Variants in UNC80 observed in about 807,000 individuals in gnomAD.
UNC80 encodes unc-80 subunit of NALCN channel complex, also known as protein unc-80 homolog.
A neutral mutation model predicts 384.6 loss-of-function variants in UNC80; 164 were observed. The observed-to-expected ratio is 0.43, with a 90% CI of 0.38 to 0.49. The LOEUF is 0.49. Among genes scored for constraint, UNC80 ranks in the 20% least tolerant of loss-of-function variants. The pLI is 0.00. For missense variants in UNC80, 3,330 were observed against 4,143.0 expected, an observed-to-expected ratio of 0.80 and a Z score of 5.39; for synonymous variants, 1,486 against 1,527.8, an observed-to-expected ratio of 0.97 and a Z score of 0.64.
At chr2:209,898,839 G>T (rs1364470321) in intron 28 of UNC80, among the ~76,000 whole-genome samples, 1 of 151,946 alleles carries the variant, frequency 6.6e-6, no homozygotes. Context: ...TTGATTTTTA[G>T]ATCATCCCAC....
At chr2:209,951,089 C>A (rs2092157252) in intron 47 of UNC80, among the ~76,000 whole-genome samples, 1 of 151,884 alleles carries the variant, frequency 6.6e-6, no homozygotes, top group African/African-American at 2.4e-5. Context: ...GGGAGGATTG[C>A]TTGAGCCCAA....
chr2:209,841,125 G>A (rs1299448168), intron 20 of UNC80, among the ~76,000 whole-genome samples: 1 of 152,132 alleles, frequency 6.6e-6, no homozygotes, highest in Non-Finnish European at 1.5e-5. Context: ...CTCCTCCTTC[G>A]TAATACTGTG....
In UNC80 at chr2:209,982,159, T is replaced by C. The variant is rs1452916846; in HGVS notation, c.9119-20T>C. ...CAGTGTCATAGTTTTTGTAACACTC[T>C]ATTCCTTTGCCCCTTTTAGATGACT... is the stretch of plus-strand genomic sequence containing the variant. On this transcript the variant is annotated intron_variant, in intron 59 of 64. Coordinates refer to ENST00000673920, the MANE Select transcript of UNC80 (RefSeq NM_001371986.1). The C allele has an allele frequency of 6.5e-7, 1 of 1,549,042 alleles. No individual in the cohort carries two copies. Among genetic ancestry groups the C allele is most frequent in the Non-Finnish European group, 8.7e-7 (1 of 1,145,588 alleles).
chr2:209,995,402 CACTCTCTGCCCA>C lies in UNC80; in HGVS notation c.9791_9802del (p.Ala3264_Ser3267del). 1 of 1,551,972 alleles carries C rather than the reference CACTCTCTGCCCA, an allele frequency of 6.4e-7. No homozygotes were observed. Among genetic ancestry groups the C allele is most frequent in the East Asian group, 2.4e-5 (1 of 40,922 alleles). ...GCACAAGGTGCTACTGCACACAGTC[CACTCTCTGCCCA>C]ACTCTCTGACCCTGATGACTTCACA... On this transcript the variant is annotated inframe_deletion, in exon 65 of 65. Coordinates refer to ENST00000673920, the MANE Select transcript of UNC80 (RefSeq NM_001371986.1).
chr2:209,971,278 A>G (rs989670868), intron 54 of UNC80, among the ~76,000 whole-genome samples: 9 of 152,202 alleles, frequency 5.9e-5, no homozygotes, highest in African/African-American at 2.2e-4. Flanking sequence ...AGGCAGTAAT[A>G]TTCACAATCT....
intron 59 of UNC80, among the ~76,000 whole-genome samples, chr2:209,978,952 T>C (rs1421188284): frequency 6.6e-6 from 1 of 152,202 alleles, no homozygotes; most frequent in Non-Finnish European, 1.5e-5. Flanking sequence ...TTTGAATACA[T>C]TAATTTCTGC....
intron 5 of UNC80, among the ~76,000 whole-genome samples, chr2:209,786,992 T>C (rs1222068568): frequency 1.1e-4 from 2 of 17,510 alleles, no homozygotes; most frequent in Admixed American, 8.0e-4. Flanking sequence ...TATATATATA[T>C]ATATATATAT....
At chr2:209,779,987 T>G (rs962477885) in intron 4 of UNC80, among the ~76,000 whole-genome samples, 4 of 152,234 alleles carry the variant, frequency 2.6e-5, no homozygotes, top group Non-Finnish European at 4.4e-5. Flanking sequence ...GCCTCCATTT[T>G]CTCAAGTATA....
At chr2:209,902,127 C>G (rs924690659) in intron 28 of UNC80, among the ~76,000 whole-genome samples, 1 of 151,938 alleles carries the variant, frequency 6.6e-6, no homozygotes, top group Admixed American at 6.6e-5. Flanking sequence ...TAGTTGATGC[C>G]AACCCTAATG....
At chr2:209,844,476 TTTCC>T (rs1163831109) in intron 21 of UNC80, among the ~76,000 whole-genome samples, 1,016 of 69,072 alleles carry the variant, frequency 0.015, 19 homozygotes, top group African/African-American at 0.032. Context: ...TCTTTCTTTC[TTTCC>T]TTCCTTCCTT....
chr2:209,975,108 G>A (rs2092979973), intron 56 of UNC80, among the ~76,000 whole-genome samples: 1 of 152,174 alleles, frequency 6.6e-6, no homozygotes. Context: ...TGACTCTTGA[G>A]GATTTTAGAG....
In UNC80 at chr2:209,784,230, A is replaced by G. The variant is rs184220694; in HGVS notation, c.601-1836A>G. ...ACCCCCATCTAATCATCTTTCACCTATATAACAATAGCTTCCAAAATAGTC... is the reference window on the plus strand; with the variant it reads ...ACCCCCATCTAATCATCTTTCACCTGTATAACAATAGCTTCCAAAATAGTC... On this transcript the variant is annotated intron_variant, in intron 4 of 64. Transcript: ENST00000673920. 4.6e-5 allele frequency among the ~76,000 whole-genome samples: 7 copies of G among 152,212 alleles called. No homozygotes were observed. In the East Asian group the frequency reaches 7.7e-4, roughly 17 times the overall value.
chr2:209,937,077 G>A (rs2091299369), intron 41 of UNC80, 144 bp downstream of exon 41: 4 of 612,642 alleles, frequency 6.5e-6, no homozygotes, highest in South Asian at 2.1e-5. Context: ...CTATCAATGG[G>A]GCTTTTGACT....
At chr2:209,791,386 C>T (rs577619912) in intron 6 of UNC80, among the ~76,000 whole-genome samples, 16 of 152,116 alleles carry the variant, frequency 1.1e-4, no homozygotes, top group Admixed American at 2.6e-4. Flanking sequence ...TTTTGTGCCT[C>T]CCACCACTTG....
rs1445425259 is a variant in UNC80, at chr2:209,904,809, C to A, written c.4626C>A (p.His1542Gln). The change falls in exon 29 of 65, where the codon CAC (histidine) becomes CAA (glutamine). Residue 1542 changes from histidine to glutamine, a missense_variant. Physicochemically the swap from His to Gln is conservative, Grantham distance 24. Coordinates refer to ENST00000673920, the MANE Select transcript of UNC80 (RefSeq NM_001371986.1). ...LCNQQSFICT[H>Q]VDYCHPHCYL... is the part of the protein sequence containing the mutation. The stretch of plus-strand genomic sequence containing the variant: ...ATCAGCAGAGTTTCATCTGCACTCA[C>A]GTTGACTACTGCCATCCCCACTGCT... The A allele has an allele frequency of 1.3e-6, 2 of 1,552,002 alleles. No homozygotes were observed. Among genetic ancestry groups the A allele is most frequent in the East Asian group, 2.4e-5 (1 of 40,910 alleles).
chr2:209,898,740 T>A (rs925793479), intron 28 of UNC80, among the ~76,000 whole-genome samples: 3 of 152,166 alleles, frequency 2.0e-5, no homozygotes, highest in Non-Finnish European at 4.4e-5. Context: ...ATTCATTAAC[T>A]TTCCCCACCT....
intron 29 of UNC80, among the ~76,000 whole-genome samples, chr2:209,909,706 T>C (rs1247130936): frequency 1.3e-5 from 2 of 152,174 alleles, no homozygotes; most frequent in African/African-American, 4.8e-5. Context: ...GCATTGGTAA[T>C]CTAATCAAAA....
At chr2:209,817,236 T>G in intron 10 of UNC80, 111 bp downstream of exon 10, 1 of 1,053,802 alleles carries the variant, frequency 9.5e-7, no homozygotes, top group Non-Finnish European at 1.4e-6. Context: ...GCCAAGAAAT[T>G]TGGGGCTCAA....
At chr2:209,943,602 G>A in intron 45 of UNC80, 88 bp downstream of exon 45, 2 of 1,453,012 alleles carry the variant, frequency 1.4e-6, no homozygotes, top group Non-Finnish European at 9.3e-7. Flanking sequence ...TGGCAAGGGA[G>A]TTGGCTACCA....
Sources: gnomAD v4.1 joint callset for allele counts (sites outside exome capture counted in the v4.1 genomes callset) on GRCh38, gnomAD v4.1.1 for gene constraint, MANE v1.5 for transcripts, NCBI Gene and HGNC (gene_info 2026-07-23, HGNC 2026-07-21) for gene names.